The following EGFR variants were observed in gnomAD, a reference collection of about 807,000 sequenced individuals.
The protein encoded by EGFR is epidermal growth factor receptor.
EGFR carries 58 observed loss-of-function variants against 143.0 expected under a neutral mutation model. The ratio of observed to expected loss-of-function variants is 0.41; its 90% CI spans 0.33 to 0.50. The LOEUF (loss-of-function observed/expected upper bound fraction) is 0.50. Among genes scored for constraint, EGFR ranks in the 20% least tolerant of loss-of-function variants. The pLI is 0.39. For missense variants in EGFR, 1,307 were observed against 1,579.0 expected, an observed-to-expected ratio of 0.83 and a Z score of 2.92; for synonymous variants, 613 against 594.4, an observed-to-expected ratio of 1.03 and a Z score of -0.45.
chr7:55,068,951 T>C (rs143603018), intron 1 of EGFR, among the ~76,000 whole-genome samples: 1 of 152,142 alleles, frequency 6.6e-6, no homozygotes, highest in African/African-American at 2.4e-5. Context: ...GTATTTGGAG[T>C]AGGAGGTCTT....
chr7:55,168,806 A>G (rs1174660424), intron 15 of EGFR, among the ~76,000 whole-genome samples: 1 of 152,212 alleles, frequency 6.6e-6, no homozygotes, highest in African/African-American at 2.4e-5. Context: ...TAATTTTTAA[A>G]ATACGGCCAA....
intron 1 of EGFR, among the ~76,000 whole-genome samples, chr7:55,037,908 C>A (rs1349418483): frequency 1.3e-5 from 2 of 151,600 alleles, no homozygotes; most frequent in Non-Finnish European, 2.9e-5. Context: ...TGGCTACATG[C>A]TGGGAAGAGG....
rs1470705048 is a variant in EGFR at position 55,211,322 on chromosome 7, G to A, written c.*5705G>A. Reference sequence around the variant, plus strand: ...TCTCTTGGAAATTAAGAGATCCTATGGATTTGATGACTGGTATTAGAGGTG... The same window carrying A: ...TCTCTTGGAAATTAAGAGATCCTATAGATTTGATGACTGGTATTAGAGGTG... On this transcript the variant is annotated 3_prime_UTR_variant, in exon 28 of 28. Transcript: ENST00000275493. The A allele has an allele frequency of 6.6e-6, 1 of 152,178 alleles. No individual in the cohort carries two copies. Among genetic ancestry groups the A allele is most frequent in the East Asian group, 1.9e-4 (1 of 5,204 alleles). The allele number at this position is 152,178 out of a possible 1,614,324, so 9.4% of individuals were successfully genotyped here.
At chr7:55,077,474 T>C (rs1399091233) in intron 1 of EGFR, among the ~76,000 whole-genome samples, 1 of 152,228 alleles carries the variant, frequency 6.6e-6, no homozygotes, top group Non-Finnish European at 1.5e-5. Context: ...AGTAAAAATG[T>C]GTCCTCCTTT....
chr7:55,199,219 G>T (rs912451021), intron 23 of EGFR, among the ~76,000 whole-genome samples: 1 of 152,214 alleles, frequency 6.6e-6, no homozygotes, highest in African/African-American at 2.4e-5. Flanking sequence ...TAAATGCATG[G>T]CAGTGAGTAA....
intron 1 of EGFR, among the ~76,000 whole-genome samples, chr7:55,085,158 A>G (rs1790682220): frequency 6.6e-6 from 1 of 152,198 alleles, no homozygotes; most frequent in Admixed American, 6.5e-5. Context: ...TAGAAAAAAA[A>G]ACAATGTCAC....
intron 1 of EGFR, among the ~76,000 whole-genome samples, chr7:55,119,720 T>C (rs1793084001): frequency 6.6e-6 from 1 of 152,234 alleles, no homozygotes; most frequent in African/African-American, 2.4e-5. Flanking sequence ...CTTCCTGGGC[T>C]GCGTGAACCC....
At chr7:55,055,873 C>T (rs534699026) in intron 1 of EGFR, among the ~76,000 whole-genome samples, 5 of 152,050 alleles carry the variant, frequency 3.3e-5, no homozygotes, top group African/African-American at 7.2e-5. Context: ...GTTCCTTGAG[C>T]GTCTTCCACT....
intron 1 of EGFR, among the ~76,000 whole-genome samples, chr7:55,019,935 C>T (rs1309661489): frequency 6.6e-6 from 1 of 152,200 alleles, no homozygotes; most frequent in Non-Finnish European, 1.5e-5. Context: ...CTCCGCCCTC[C>T]GCGCAGGTCT....
At chr7:55,062,485 G>A (rs1789245428) in intron 1 of EGFR, among the ~76,000 whole-genome samples, 1 of 152,090 alleles carries the variant, frequency 6.6e-6, no homozygotes, top group South Asian at 2.1e-4. Flanking sequence ...ATTAACTACT[G>A]ATCATTTATA....
At chr7:55,158,615 A>G (rs1264265718) in intron 11 of EGFR, among the ~76,000 whole-genome samples, 1 of 152,222 alleles carries the variant, frequency 6.6e-6, no homozygotes, top group Non-Finnish European at 1.5e-5. Context: ...ATTTTCTTGG[A>G]TGGCTGGTAT....
chr7:55,122,212 T>C (rs1793248969), intron 1 of EGFR, among the ~76,000 whole-genome samples: 1 of 152,234 alleles, frequency 6.6e-6, no homozygotes, highest in African/African-American at 2.4e-5. Flanking sequence ...GCCTTGCTCA[T>C]GGAGCACTCT....
At chr7:55,088,334 G>A (rs1252091791) in intron 1 of EGFR, among the ~76,000 whole-genome samples, 3 of 152,216 alleles carry the variant, frequency 2.0e-5, no homozygotes, top group Non-Finnish European at 4.4e-5. Context: ...CTATAAAACA[G>A]ACGCAGAAAA....
rs146121458 is a variant in EGFR, at chr7:55,191,756, G to A, written c.2507G>A (p.Arg836His). The A allele has an allele frequency of 5.0e-6, 8 of 1,613,812 alleles. No individual in the cohort carries two copies. The highest frequency in any genetic ancestry group is 4.0e-5 in the African/African-American group (3 of 74,862). ...NYLEDRRLVHRDLAARNVLVK... is the reference protein window; with the variant it reads ...NYLEDRRLVHHDLAARNVLVK... ...TTGGAGGACCGTCGCTTGGTGCACCGCGACCTGGCAGCCAGGAACGTACTG... is the reference window on the plus strand; with the variant it reads ...TTGGAGGACCGTCGCTTGGTGCACCACGACCTGGCAGCCAGGAACGTACTG... The change falls in exon 21 of 28, where the codon CGC (arginine) becomes CAC (histidine). Residue 836 changes from arginine (R) to histidine (H), a missense_variant. Arg to His is a conservative substitution (Grantham distance 29). This residue lies in a region of EGFR where 348 missense variants were observed against 451.5 expected (regional missense o/e 0.77). Transcript: ENST00000275493.
At chr7:55,166,318 G>C (rs1785979998) in intron 15 of EGFR, 1 of 574,330 alleles carries the variant, frequency 1.7e-6, no homozygotes, top group Non-Finnish European at 3.4e-6. Flanking sequence ...ACTTACTTCT[G>C]TTTCTCAAAA....
rs767012241 is a variant in EGFR, at chr7:55,211,330, T to A, written c.*5713T>A. 3.9e-5 allele frequency: 6 copies of A among 152,260 alleles called. No homozygotes were observed. The highest frequency in any genetic ancestry group is 7.3e-5 in the Non-Finnish European group (5 of 68,042). The allele number at this position is 152,260 out of a possible 1,614,324, so 9.4% of individuals were successfully genotyped here. A position where few individuals can be genotyped will look rare whatever the true frequency, so the allele number is the denominator to read the frequency against. On this transcript the variant is annotated 3_prime_UTR_variant, in exon 28 of 28. Coordinates refer to ENST00000275493, the MANE Select transcript of EGFR (RefSeq NM_005228.5). ...AAATTAAGAGATCCTATGGATTTGA[T>A]GACTGGTATTAGAGGTGACAATGTA...
chr7:55,048,274 T>C (rs1374310698), intron 1 of EGFR, among the ~76,000 whole-genome samples: 5 of 152,160 alleles, frequency 3.3e-5, no homozygotes, highest in Non-Finnish European at 7.4e-5. Context: ...GTGACACATA[T>C]GTGTTGTGTG....
chr7:55,203,086 C>G (rs1787925067), intron 27 of EGFR: 1 of 275,836 alleles, frequency 3.6e-6, no homozygotes, highest in African/African-American at 2.2e-5. Flanking sequence ...ATACTCATAA[C>G]CTGCTAACAC....
intron 15 of EGFR, chr7:55,168,644 A>G: frequency 6.8e-7 from 1 of 1,479,570 alleles, no homozygotes; most frequent in African/African-American, 1.4e-5. Flanking sequence ...GACATATGGA[A>G]TTTTATAAAT....
Sources: gnomAD v4.1 joint callset for allele counts (sites outside exome capture counted in the v4.1 genomes callset) on GRCh38, gnomAD v4.1.1 for gene constraint, gnomAD v4.1.1 regional missense constraint, MANE v1.5 for transcripts, NCBI Gene and HGNC (gene_info 2026-07-23, HGNC 2026-07-21) for gene names.